Variants in DUSP12 observed in about 807,000 individuals in gnomAD.
The protein encoded by DUSP12 is dual specificity protein phosphatase 12.
In DUSP12, 25 loss-of-function variants were observed where a neutral mutation model predicts 38.9. The ratio of observed to expected loss-of-function variants is 0.64; its 90% CI spans 0.47 to 0.90. The LOEUF (loss-of-function observed/expected upper bound fraction) is 0.90. DUSP12 is among the 40% of genes least tolerant of loss of function. The pLI is 0.00. For synonymous variants in DUSP12, 153 were observed against 153.9 expected (o/e 0.99, Z 0.05); for missense variants, 403 against 427.0 (o/e 0.94, Z 0.50).
At chr1:161,751,063 C>T (rs975841552) in intron 1 of DUSP12, 2 of 152,184 alleles carry the variant, frequency 1.3e-5, no homozygotes, top group African/African-American at 4.8e-5. Context: ...TTTGAGGTCC[C>T]TGAATGCTAA....
chr1:161,750,506 T>C (rs1005940270), intron 1 of DUSP12, among the ~76,000 whole-genome samples: 2 of 152,208 alleles, frequency 1.3e-5, no homozygotes, highest in African/African-American at 4.8e-5. Flanking sequence ...TGGTGTCTTG[T>C]AAACGGGATT....
intron 5 of DUSP12, 32 bp from the exon 6 acceptor site, chr1:161,756,750 GTGAA>G: frequency 6.2e-7 from 1 of 1,605,116 alleles, no homozygotes; most frequent in Non-Finnish European, 8.5e-7. Flanking sequence ...TTGTATAAAA[GTGAA>G]TGAATAAAGT....
intron 5 of DUSP12, among the ~76,000 whole-genome samples, chr1:161,756,442 C>A (rs536351022): frequency 4.8e-4 from 70 of 146,636 alleles, no homozygotes; most frequent in African/African-American, 1.7e-3. Flanking sequence ...TAGCCGTGAT[C>A]ATTTTCATTT....
In DUSP12 at chr1:161,751,748, A is replaced by G. The variant is rs1453352879; in HGVS notation, c.425A>G (p.Tyr142Cys). The change falls in exon 2 of 6, where the codon TAT becomes TGT. Residue 142 changes from tyrosine (Y) to cysteine (C), a missense_variant. By Grantham distance (194) the Tyr-to-Cys change is radical. Coordinates refer to ENST00000367943, the MANE Select transcript of DUSP12 (RefSeq NM_007240.3). ...KTDQLPFEKA[Y>C]EKLQILKPEA... Reference sequence around the variant, plus strand: ...GACCAACTTCCCTTTGAAAAAGCCTATGAAAAGCTCCAGATTCTCAAACCA... The same window carrying G: ...GACCAACTTCCCTTTGAAAAAGCCTGTGAAAAGCTCCAGATTCTCAAACCA... 5 of 1,613,540 alleles carry G rather than the reference A, an allele frequency of 3.1e-6. 1 individual carries two copies. The highest frequency in any genetic ancestry group is 1.1e-5 in the South Asian group (1 of 90,884).
chr1:161,750,013 G>T lies in DUSP12; in HGVS notation c.212G>T (p.Gly71Val). The T allele has an allele frequency of 6.2e-7, 1 of 1,614,082 alleles. No individual in the cohort carries two copies. Among genetic ancestry groups the T allele is most frequent in the Non-Finnish European group, 8.5e-7 (1 of 1,179,980 alleles). ...GAGCCCAGCTTCAAGGCGGGGCCTGGGGTCGAGGATCTATGGCGCCTCTTC... is the reference window on the plus strand; with the variant it reads ...GAGCCCAGCTTCAAGGCGGGGCCTGTGGTCGAGGATCTATGGCGCCTCTTC... ...SEEPSFKAGPGVEDLWRLFVP... is the reference protein window; with the variant it reads ...SEEPSFKAGPVVEDLWRLFVP... Residue 71 changes from glycine (G) to valine (V), a missense_variant, in exon 1 of 6, where the codon GGG (glycine) becomes GTG (valine). Physicochemically the swap from Gly to Val is moderately radical, Grantham distance 109 (BLOSUM62 -3). Coordinates refer to ENST00000367943, the MANE Select transcript of DUSP12 (RefSeq NM_007240.3).
intron 5 of DUSP12, among the ~76,000 whole-genome samples, chr1:161,756,309 T>G (rs1684107455): frequency 6.6e-6 from 1 of 152,128 alleles, no homozygotes; most frequent in African/African-American, 2.4e-5. Context: ...TTAGGCTTTT[T>G]TGATTTACCT....
At chr1:161,753,609 G>A (rs947947924) in intron 5 of DUSP12, among the ~76,000 whole-genome samples, 5 of 151,816 alleles carry the variant, frequency 3.3e-5, no homozygotes, top group Non-Finnish European at 7.4e-5. Flanking sequence ...CCTGTAATCT[G>A]AGCACTTTGG....
intron 5 of DUSP12, among the ~76,000 whole-genome samples, chr1:161,755,162 C>T (rs1322725133): frequency 6.6e-6 from 1 of 152,090 alleles, no homozygotes; most frequent in Non-Finnish European, 1.5e-5. Context: ...TTATTTGTAG[C>T]AGTTAGAGAT....
chr1:161,749,821 C>T lies in DUSP12; in HGVS notation c.20C>T (p.Pro7Leu). The T allele has an allele frequency of 6.3e-7, 1 of 1,584,766 alleles. No homozygotes were observed. Among genetic ancestry groups the T allele is most frequent in the South Asian group, 1.1e-5 (1 of 87,584 alleles). ...GCGGCCATGTTGGAGGCTCCGGGCC[C>T]GAGTGATGGCTGCGAGCTCAGCAAC... MLEAPG[P>L]SDGCELSNPS... Residue 7 changes from proline to leucine, a missense_variant, in exon 1 of 6, where the codon CCG (proline) becomes CTG (leucine). Physicochemically the swap from Pro to Leu is moderately conservative, Grantham distance 98. Transcript: ENST00000367943.
At chr1:161,754,737 T>C (rs12564653) in intron 5 of DUSP12, among the ~76,000 whole-genome samples, 83,264 of 152,136 alleles carry the variant, frequency 0.55, 25,444 homozygotes, top group African/African-American at 0.83. Context: ...CAATCACCTC[T>C]CTTCTTCCAC....
In DUSP12 at chr1:161,750,058, C is replaced by T; in HGVS notation, c.257C>T (p.Pro86Leu). 1 of 1,614,002 alleles carries T rather than the reference C, an allele frequency of 6.2e-7. No individual in the cohort carries two copies. The highest frequency in any genetic ancestry group is 8.5e-7 in the Non-Finnish European group (1 of 1,179,980). The part of the protein sequence containing the change: ...WRLFVPALDK[P>L]ETDLLSHLDR... ...CTCTTCGTGCCAGCGCTGGACAAACCCGAGACGGACCTACTCAGCCATCTG... is the reference window on the plus strand; with the variant it reads ...CTCTTCGTGCCAGCGCTGGACAAACTCGAGACGGACCTACTCAGCCATCTG... Residue 86 changes from proline to leucine, a missense_variant, in exon 1 of 6, where the codon CCC (proline) becomes CTC (leucine). Pro to Leu is a moderately conservative substitution (Grantham distance 98). Transcript: ENST00000367943.
At chr1:161,755,943 G>A (rs567406614) in intron 5 of DUSP12, among the ~76,000 whole-genome samples, 4 of 152,088 alleles carry the variant, frequency 2.6e-5, no homozygotes, top group South Asian at 4.1e-4. Flanking sequence ...TGCAACCTCC[G>A]CCTTCTGGGT....
intron 4 of DUSP12, 30 bp downstream of exon 4, chr1:161,752,494 T>A: frequency 7.0e-7 from 1 of 1,424,738 alleles, no homozygotes; most frequent in Non-Finnish European, 9.8e-7. Flanking sequence ...TTGGATATTT[T>A]ATCTTGTCTC....
intron 5 of DUSP12, among the ~76,000 whole-genome samples, chr1:161,755,713 C>A (rs766064391): frequency 1.7e-4 from 26 of 152,138 alleles, no homozygotes; most frequent in Non-Finnish European, 3.1e-4. Flanking sequence ...TGTAGGACCT[C>A]TATATATTCT....
chr1:161,755,674 C>G (rs764354260), intron 5 of DUSP12, among the ~76,000 whole-genome samples: 1 of 152,084 alleles, frequency 6.6e-6, no homozygotes, highest in Non-Finnish European at 1.5e-5. Context: ...GCCCATTTGC[C>G]TATGGGTTTT....
At chr1:161,755,177 A>G (rs1269778680) in intron 5 of DUSP12, among the ~76,000 whole-genome samples, 1 of 152,064 alleles carries the variant, frequency 6.6e-6, no homozygotes, top group Non-Finnish European at 1.5e-5. Context: ...AGAGATTTTA[A>G]TTTTGATGGT....
chr1:161,749,788 C>A lies in DUSP12; in HGVS notation c.-14C>A. 6.4e-7 allele frequency: 1 copy of A among 1,557,694 alleles called. No homozygotes were observed. The highest frequency in any genetic ancestry group is 8.7e-7 in the Non-Finnish European group (1 of 1,153,174). On this transcript the variant is annotated 5_prime_UTR_variant, in exon 1 of 6. Coordinates refer to ENST00000367943, the MANE Select transcript of DUSP12 (RefSeq NM_007240.3). ...ATGGTAGGGCAGGAAGCCGCCTTGTCTCTGGGCGCGGCCATGTTGGAGGCT... is the reference window on the plus strand; with the variant it reads ...ATGGTAGGGCAGGAAGCCGCCTTGTATCTGGGCGCGGCCATGTTGGAGGCT...
chr1:161,756,691 G>C, intron 5 of DUSP12, 95 bp from the exon 6 acceptor site: 2 of 1,388,384 alleles, frequency 1.4e-6, no homozygotes, highest in Non-Finnish European at 2.0e-6. Context: ...CGTGGGGATC[G>C]TGTCTTGTTT....
At position 161,752,276 on chromosome 1, in the gene DUSP12, G is replaced by C. The variant is rs1052470324; in HGVS notation, c.578-92G>C. ...TTTTTTTTTTTAATTTTTGAGGTTA[G>C]CACTTGTTGCCTCAATTTGACATTA... On this transcript the variant is annotated intron_variant, in intron 3 of 5. Transcript: ENST00000367943. 3 of 897,836 alleles carry C rather than the reference G, an allele frequency of 3.3e-6. No homozygotes were observed. The Admixed American group carries it at 6.5e-5, about 19-fold the overall frequency. 55.6% of individuals were successfully genotyped at this position (897,836 alleles called of 1,614,324 possible).
Sources: gnomAD v4.1 joint callset for allele counts (sites outside exome capture counted in the v4.1 genomes callset) on GRCh38, gnomAD v4.1.1 for gene constraint, MANE v1.5 for transcripts, NCBI Gene and HGNC (gene_info 2026-07-23, HGNC 2026-07-21) for gene names.